Variants in RNF214 observed in about 807,000 individuals in gnomAD.
The protein encoded by RNF214 is ring finger protein 214.
A neutral mutation model predicts 75.9 loss-of-function variants in RNF214; 25 were observed. That is an observed-to-expected ratio of 0.33 (90% CI 0.24 to 0.46). The LOEUF is 0.46. RNF214 is among the 20% of genes least tolerant of loss of function. The pLI is 1.00. For synonymous variants in RNF214, 314 were observed against 308.8 expected (o/e 1.02, Z -0.18); for missense variants, 725 against 857.5 (o/e 0.85, Z 1.93).
chr11:117,281,583 A>G lies in RNF214; in HGVS notation c.1237-17A>G. 6.4e-7 allele frequency: 1 copy of G among 1,552,830 alleles called. No individual in the cohort carries two copies. The highest frequency in any genetic ancestry group is 8.9e-7 in the Non-Finnish European group (1 of 1,125,280). On this transcript the variant is annotated splice_polypyrimidine_tract_variant and intron_variant, in intron 9 of 14. Transcript: ENST00000300650. ...CTGAGTCAGTTCAGCAGTAAAAATA[A>G]TCCTTTTTTTTTTTAGGACCAATTT...
At chr11:117,280,296 G>A (rs774598635) in intron 8 of RNF214, 37 bp downstream of exon 8, 1 of 1,358,812 alleles carries the variant, frequency 7.4e-7, no homozygotes, top group East Asian at 2.4e-5. Context: ...TAATTGTTTT[G>A]CAGTTTGTTT....
intron 4 of RNF214, 93 bp from the exon 5 acceptor site, chr11:117,244,352 C>A (rs1199261369): frequency 4.6e-5 from 45 of 987,672 alleles, no homozygotes; most frequent in Non-Finnish European, 6.7e-5. Context: ...ATAGTGCGGT[C>A]ATAGAGCTCT....
rs1376923029 is a variant in RNF214, at chr11:117,285,629, G to A, written c.*478G>A. The A allele has an allele frequency of 6.5e-6, 1 of 153,066 alleles. No individual in the cohort carries two copies. The highest frequency in any genetic ancestry group is 2.4e-5 in the African/African-American group (1 of 41,360). The allele number at this position is 153,066 out of a possible 1,614,324, so 9.5% of individuals were successfully genotyped here. A position where few individuals can be genotyped will look rare whatever the true frequency, so the allele number is the denominator to read the frequency against. ...GAAAGCCTCCAGAAGCCTCAGTATT[G>A]TTTTAGCCACTCTACTCCAAATGGA... On this transcript the variant is annotated 3_prime_UTR_variant, in exon 15 of 15. Coordinates refer to ENST00000300650, the MANE Select transcript of RNF214 (RefSeq NM_207343.4).
intron 14 of RNF214, 122 bp downstream of exon 14, chr11:117,283,332 G>T: frequency 1.5e-6 from 1 of 673,582 alleles, no homozygotes. Flanking sequence ...CTTTTACTGT[G>T]TTGGTGCTCA....
intron 6 of RNF214, among the ~76,000 whole-genome samples, chr11:117,277,680 GA>G (rs1157539979): frequency 6.6e-6 from 1 of 152,148 alleles, no homozygotes; most frequent in East Asian, 1.9e-4. Flanking sequence ...TCTCACTGAA[GA>G]AAAGTGGGGG....
chr11:117,271,161 A>G (rs1374471538), intron 6 of RNF214, among the ~76,000 whole-genome samples: 1 of 152,110 alleles, frequency 6.6e-6, no homozygotes, highest in Non-Finnish European at 1.5e-5. Flanking sequence ...CAGCCTCCCA[A>G]AGTGCTGGGA....
chr11:117,262,138 C>T (rs1464310750), intron 6 of RNF214, among the ~76,000 whole-genome samples: 10 of 150,006 alleles, frequency 6.7e-5, no homozygotes, highest in Admixed American at 4.0e-4. Context: ...GGTGCAATCT[C>T]GGCTCACTGC....
intron 6 of RNF214, among the ~76,000 whole-genome samples, chr11:117,266,974 A>C (rs1346906843): frequency 1.5e-5 from 1 of 65,120 alleles, no homozygotes; most frequent in Non-Finnish European, 3.3e-5. Flanking sequence ...CCTGCCTCAC[A>C]AAAAAAAAAA....
Position 117,279,953 on chromosome 11 carries a change from C to T in RNF214, c.1005C>T (p.Gly335=), listed in dbSNP as rs1382277190. 5.6e-6 allele frequency: 9 copies of T among 1,612,998 alleles called. No homozygotes were observed. Among genetic ancestry groups the T allele is most frequent in the East Asian group, 2.2e-5 (1 of 44,860 alleles). ...TGGATAGACTCAAGAATCAGGATGG[C>T]GAAATAAATAGGAACATTATGGAAG... ...MELDRLKNQD[G]EINRNIMEET... The change falls in exon 7 of 15, where the codon GGC becomes GGT. Residue 335 remains glycine (G), a synonymous_variant. Coordinates refer to ENST00000300650, the MANE Select transcript of RNF214 (RefSeq NM_207343.4).
chr11:117,247,886 A>C (rs948698620), intron 6 of RNF214, among the ~76,000 whole-genome samples: 42 of 151,842 alleles, frequency 2.8e-4, no homozygotes, highest in Middle Eastern at 6.8e-3. Flanking sequence ...ACAAAAAAAA[A>C]CAAAGTTCAG....
chr11:117,235,773 A>G (rs2032890202), intron 2 of RNF214, among the ~76,000 whole-genome samples: 1 of 152,146 alleles, frequency 6.6e-6, no homozygotes, highest in African/African-American at 2.4e-5. Flanking sequence ...TGGACACGAT[A>G]ATTGTACGTA....
In RNF214 at chr11:117,247,007, C is replaced by A. The variant is rs1471037193; in HGVS notation, c.959+59C>A. 4.6e-6 allele frequency: 6 copies of A among 1,304,980 alleles called. No individual in the cohort carries two copies. In the African/African-American group the frequency reaches 8.8e-5, roughly 19 times the overall value. The allele number at this position is 1,304,980 out of a possible 1,614,324, so 80.8% of individuals were successfully genotyped here. ...ATGTATATATGCATGAGGGGCCAGACCCGTTTGTATTTGTAGTTTCTTTCC... is the reference window on the plus strand; with the variant it reads ...ATGTATATATGCATGAGGGGCCAGAACCGTTTGTATTTGTAGTTTCTTTCC... On this transcript the variant is annotated intron_variant, in intron 6 of 14. Coordinates refer to ENST00000300650, the MANE Select transcript of RNF214 (RefSeq NM_207343.4).
At position 117,254,234 on chromosome 11, in the gene RNF214, G is replaced by A. The variant is rs1046782559; in HGVS notation, c.959+7286G>A. On this transcript the variant is annotated intron_variant, in intron 6 of 14. Coordinates refer to ENST00000300650, the MANE Select transcript of RNF214 (RefSeq NM_207343.4). ...ACTGAACTCCAGCTTGGGTGACAGA[G>A]CAAGACTCCATCTCAAAGAAAAAAA... Among the ~76,000 whole-genome samples, 5 of 151,726 alleles carry A rather than the reference G, an allele frequency of 3.3e-5. No homozygotes were observed. The East Asian group carries it at 9.7e-4, about 29-fold the overall frequency.
intron 2 of RNF214, among the ~76,000 whole-genome samples, chr11:117,234,686 A>G (rs144966934): frequency 3.3e-4 from 51 of 152,372 alleles, no homozygotes; most frequent in African/African-American, 1.2e-3. Context: ...TATATGTTAT[A>G]TATGAGAAAT....
chr11:117,245,280 C>T (rs1277046023), intron 5 of RNF214, among the ~76,000 whole-genome samples: 1 of 150,866 alleles, frequency 6.6e-6, no homozygotes, highest in Non-Finnish European at 1.5e-5. Flanking sequence ...AATTGTGCCA[C>T]TGCACTCCAG....
At chr11:117,274,356 CTTTTTTT>C (rs11461326) in intron 6 of RNF214, among the ~76,000 whole-genome samples, 2 of 79,476 alleles carry the variant, frequency 2.5e-5, no homozygotes, top group Non-Finnish European at 4.5e-5. Flanking sequence ...CAAATGACTT[CTTTTTTT>C]TTTTTTTTTT....
chr11:117,253,364 T>C (rs2033446149), intron 6 of RNF214, among the ~76,000 whole-genome samples: 3 of 152,242 alleles, frequency 2.0e-5, no homozygotes, highest in Admixed American at 1.3e-4. Flanking sequence ...AGTTTAGTCA[T>C]GTATTTGATT....
chr11:117,269,091 A>G (rs2033855698), intron 6 of RNF214, among the ~76,000 whole-genome samples: 1 of 152,132 alleles, frequency 6.6e-6, no homozygotes, highest in African/African-American at 2.4e-5. Flanking sequence ...TATAAGAGTA[A>G]ATTATTTTCA....
chr11:117,242,431 A>C (rs2033105252), intron 4 of RNF214, among the ~76,000 whole-genome samples: 1 of 152,208 alleles, frequency 6.6e-6, no homozygotes, highest in African/African-American at 2.4e-5. Flanking sequence ...TTGGGACTTA[A>C]TTGTAACAGT....
Sources: gnomAD v4.1 joint callset for allele counts (sites outside exome capture counted in the v4.1 genomes callset) on GRCh38, gnomAD v4.1.1 for gene constraint, MANE v1.5 for transcripts, NCBI Gene and HGNC (gene_info 2026-07-23, HGNC 2026-07-21) for gene names.